The following P4HA1 variants were observed in gnomAD, a reference collection of about 807,000 sequenced individuals.
P4HA1 encodes the protein prolyl 4-hydroxylase subunit alpha 1.
Under a neutral mutation model 72.8 loss-of-function variants are expected in P4HA1, and 24 were observed. That is an observed-to-expected ratio of 0.33 (90% CI 0.24 to 0.46). The LOEUF (loss-of-function observed/expected upper bound fraction) is 0.46. Among genes scored for constraint, P4HA1 ranks in the 20% least tolerant of loss-of-function variants. The pLI is 1.00. For missense variants in P4HA1, 446 were observed against 640.6 expected (o/e 0.70, Z 3.28); for synonymous variants, 201 against 218.8 (o/e 0.92, Z 0.72).
chr10:73,049,110 C>T (rs1394692927), intron 7 of P4HA1, among the ~76,000 whole-genome samples: 1 of 143,088 alleles, frequency 7.0e-6, no homozygotes, highest in Non-Finnish European at 1.5e-5. Context: ...GAGCGAGACT[C>T]CGTCTCAGAG....
intron 10 of P4HA1, among the ~76,000 whole-genome samples, chr10:73,029,107 T>C (rs1044126217): frequency 6.6e-6 from 1 of 151,858 alleles, no homozygotes; most frequent in African/African-American, 2.4e-5. Context: ...TGACTGCATC[T>C]GTCTTAGAAT....
intron 9 of P4HA1, among the ~76,000 whole-genome samples, chr10:73,034,485 C>T (rs57814779): frequency 1.3e-5 from 2 of 152,002 alleles, no homozygotes; most frequent in Admixed American, 6.6e-5. Flanking sequence ...CTCTATTCTA[C>T]GTTCTGTCTG....
chr10:73,014,581 G>A (rs79263132), intron 11 of P4HA1, among the ~76,000 whole-genome samples: 11 of 151,920 alleles, frequency 7.2e-5, no homozygotes, highest in African/African-American at 1.7e-4. Context: ...CCTCAAATAC[G>A]TGATGACTGA....
intron 1 of P4HA1, among the ~76,000 whole-genome samples, chr10:73,081,029 C>T (rs1841810211): frequency 6.6e-6 from 1 of 152,164 alleles, no homozygotes; most frequent in Non-Finnish European, 1.5e-5. Flanking sequence ...CATTATAGAA[C>T]ATTTAAGAGT....
intron 8 of P4HA1, among the ~76,000 whole-genome samples, chr10:73,046,429 T>A (rs544162272): frequency 6.6e-6 from 1 of 152,208 alleles, no homozygotes; most frequent in Non-Finnish European, 1.5e-5. Flanking sequence ...CTTTTTAAGA[T>A]AAATTCTGTG....
intron 5 of P4HA1, among the ~76,000 whole-genome samples, chr10:73,054,686 A>C (rs1181257662): frequency 6.6e-6 from 1 of 152,250 alleles, no homozygotes; most frequent in East Asian, 1.9e-4. Context: ...ACTGTTTTCC[A>C]AAGTGGCTAC....
intron 7 of P4HA1, among the ~76,000 whole-genome samples, chr10:73,048,829 CAG>C (rs1564628322): frequency 6.6e-6 from 1 of 151,946 alleles, no homozygotes; most frequent in African/African-American, 2.4e-5. Flanking sequence ...AGTAATGAAA[CAG>C]AAAAGAAAAT....
chr10:73,026,179 G>C (rs542881044), intron 10 of P4HA1, among the ~76,000 whole-genome samples: 1 of 152,222 alleles, frequency 6.6e-6, no homozygotes, highest in African/African-American at 2.4e-5. Context: ...CAAAGCTGGA[G>C]GCATCATGCT....
At chr10:73,043,972 A>G in intron 9 of P4HA1, 4 of 1,604,452 alleles carry the variant, frequency 2.5e-6, no homozygotes, top group Non-Finnish European at 3.4e-6. Flanking sequence ...AAAAAAAGAG[A>G]AAGGACAAGG....
intron 1 of P4HA1, among the ~76,000 whole-genome samples, chr10:73,089,743 C>A (rs1841991481): frequency 2.0e-5 from 3 of 148,266 alleles, no homozygotes; most frequent in Admixed American, 2.0e-4. Context: ...TATACAATTC[C>A]ATTTTTATAA....
rs1221141402 is a variant in P4HA1 at position 73,009,793 on chromosome 10, T to C, written c.1534+14A>G. On this transcript the variant is annotated intron_variant, in intron 14 of 14. Transcript: ENST00000394890. ...AAAATTACATTATCTTCGCAGAATA[T>C]ATGAAATATTTACCCCATTTGTTGC... The C allele has an allele frequency of 4.3e-6, 6 of 1,390,124 alleles. No homozygotes were observed. The highest frequency in any genetic ancestry group is 1.2e-5 in the South Asian group (1 of 86,326). 86.1% of individuals were successfully genotyped at this position (1,390,124 alleles called of 1,614,324 possible). A position where few individuals can be genotyped will look rare whatever the true frequency, so the allele number is the denominator to read the frequency against.
At chr10:73,018,748 C>A (rs1193416238) in intron 10 of P4HA1, among the ~76,000 whole-genome samples, 3 of 152,078 alleles carry the variant, frequency 2.0e-5, no homozygotes, top group South Asian at 4.1e-4. Context: ...CCAGAGCATC[C>A]TCTCTTCCCT....
In P4HA1 at chr10:73,069,806, G is replaced by GTTT. The variant is rs201651550; in HGVS notation, c.326-826_326-824dup. Among the ~76,000 whole-genome samples the GTTT allele has an allele frequency of 4.1e-4, 61 of 147,448 alleles. 3 individuals are homozygous for GTTT. Among genetic ancestry groups the GTTT allele is most frequent in the African/African-American group, 1.4e-3 (55 of 38,806 alleles). On this transcript the variant is annotated intron_variant, in intron 4 of 14. Coordinates refer to ENST00000394890, the MANE Select transcript of P4HA1 (RefSeq NM_001017962.3). ...TCTTCTCATTAACTTATAATCAACT[G>GTTT]TTTTGTTTTTTTTTTTTTGAGACAG...
intron 10 of P4HA1, among the ~76,000 whole-genome samples, chr10:73,024,383 T>C (rs1444104968): frequency 3.3e-5 from 5 of 152,260 alleles, no homozygotes; most frequent in Admixed American, 2.0e-4. Context: ...AACCTGCTCC[T>C]GAATGACTAC....
chr10:73,032,852 T>C (rs1840466606), intron 9 of P4HA1, among the ~76,000 whole-genome samples: 2 of 152,224 alleles, frequency 1.3e-5, no homozygotes, highest in African/African-American at 2.4e-5. Context: ...AAGAAGTTTT[T>C]ACTAATCATT....
chr10:73,081,193 G>GA (rs1367977419), intron 1 of P4HA1, among the ~76,000 whole-genome samples: 1 of 152,046 alleles, frequency 6.6e-6, no homozygotes, highest in Non-Finnish European at 1.5e-5. Flanking sequence ...TAGCATCCCT[G>GA]AAAAGACTTG....
chr10:73,012,660 T>C (rs1839931187), intron 12 of P4HA1, among the ~76,000 whole-genome samples: 1 of 151,612 alleles, frequency 6.6e-6, no homozygotes, highest in Non-Finnish European at 1.5e-5. Flanking sequence ...AAAAAGGAAA[T>C]AGACTGAACA....
chr10:73,046,127 A>G (rs1267223738), intron 8 of P4HA1, among the ~76,000 whole-genome samples: 2 of 152,154 alleles, frequency 1.3e-5, no homozygotes, highest in African/African-American at 4.8e-5. Context: ...AATAGTCATG[A>G]CAGAGATCAT....
chr10:73,094,672 C>T (rs960680475), intron 1 of P4HA1, among the ~76,000 whole-genome samples: 1 of 152,110 alleles, frequency 6.6e-6, no homozygotes, highest in East Asian at 1.9e-4. Flanking sequence ...GAATAAATGC[C>T]GTTTGAACTT....
Sources: gnomAD v4.1 joint callset for allele counts (sites outside exome capture counted in the v4.1 genomes callset) on GRCh38, gnomAD v4.1.1 for gene constraint, MANE v1.5 for transcripts, NCBI Gene and HGNC (gene_info 2026-07-23, HGNC 2026-07-21) for gene names.